The following DAB1 variants were observed in gnomAD, a reference collection of about 807,000 sequenced individuals.
DAB1 encodes DAB adaptor protein 1.
In DAB1, 15 loss-of-function variants were observed where a neutral mutation model predicts 64.6. The observed-to-expected ratio is 0.23, with a 90% CI of 0.16 to 0.36. DAB1 has a LOEUF of 0.36. Among genes scored for constraint, DAB1 ranks in the 10% least tolerant of loss-of-function variants. The probability of loss-of-function intolerance (pLI) is 1.00; values close to 1 mark genes in which losing one functional copy is unlikely to be tolerated. For missense variants in DAB1, 596 were observed against 706.7 expected, an observed-to-expected ratio of 0.84 and a Z score of 1.78; for synonymous variants, 235 against 251.9, an observed-to-expected ratio of 0.93 and a Z score of 0.64.
Position 57,736,609 on chromosome 1 carries a change from T to C in DAB1, n.552-86944A>G, listed in dbSNP as rs1570780885. ...TAATAATACATATGTTGAAAGAACA[T>C]GTGATAGAGCTTTTACGACCTGCAT... On this transcript the variant is annotated intron_variant and non_coding_transcript_variant, in intron 6 of 20. Coordinates refer to the DAB1 transcript ENST00000485760. Among the ~76,000 whole-genome samples the C allele has an allele frequency of 2.0e-5, 3 of 152,270 alleles. No individual in the cohort carries two copies. The East Asian group carries it at 5.8e-4, about 29-fold the overall frequency.
intron 4 of DAB1, among the ~76,000 whole-genome samples, chr1:58,323,172 T>C (rs908128999): frequency 3.3e-5 from 5 of 151,858 alleles, no homozygotes; most frequent in Non-Finnish European, 5.9e-5. Flanking sequence ...CACATCAACA[T>C]GGCACATGTA....
At chr1:57,013,673 T>G (rs1188202123) in intron 12 of DAB1, among the ~76,000 whole-genome samples, 2 of 152,192 alleles carry the variant, frequency 1.3e-5, no homozygotes, top group African/African-American at 4.8e-5. Context: ...CCATATCACC[T>G]GTGACAGTAA....
chr1:58,215,581 CTA>C (rs1658809696), intron 4 of DAB1, among the ~76,000 whole-genome samples: 1 of 152,182 alleles, frequency 6.6e-6, no homozygotes, highest in South Asian at 2.1e-4. Flanking sequence ...ATTTTGCACT[CTA>C]TTAAGTGAGT....
intron 7 of DAB1, among the ~76,000 whole-genome samples, chr1:57,529,352 C>T (rs568209155): frequency 3.3e-5 from 5 of 151,902 alleles, no homozygotes; most frequent in African/African-American, 1.2e-4. Flanking sequence ...AAAACAAATA[C>T]CAAGATGAAA....
At chr1:57,535,220 A>C (rs1204766300) in intron 7 of DAB1, among the ~76,000 whole-genome samples, 1 of 152,158 alleles carries the variant, frequency 6.6e-6, no homozygotes, top group Non-Finnish European at 1.5e-5. Flanking sequence ...TTTATTGTCT[A>C]TCTTTCCTAC....
At chr1:57,496,465 A>G (rs1644231860) in intron 7 of DAB1, among the ~76,000 whole-genome samples, 1 of 152,204 alleles carries the variant, frequency 6.6e-6, no homozygotes, top group Non-Finnish European at 1.5e-5. Context: ...TAGATTCTCA[A>G]TACATTTCAG....
At chr1:58,531,346 T>G (rs1189748082) in intron 1 of DAB1, among the ~76,000 whole-genome samples, 1 of 152,200 alleles carries the variant, frequency 6.6e-6, no homozygotes, top group African/African-American at 2.4e-5. Flanking sequence ...GTTTGTAAAT[T>G]TGTAAGTCTA....
chr1:58,182,822 T>G (rs953333225), intron 4 of DAB1, among the ~76,000 whole-genome samples: 7 of 152,042 alleles, frequency 4.6e-5, no homozygotes, highest in Non-Finnish European at 1.0e-4. Flanking sequence ...TTTAACTACT[T>G]TTTTTCTGAG....
chr1:57,942,917 T>C (rs1212512428), intron 5 of DAB1, among the ~76,000 whole-genome samples: 1 of 152,244 alleles, frequency 6.6e-6, no homozygotes, highest in Admixed American at 6.5e-5. Flanking sequence ...CTTGTAGTTA[T>C]GGCCTATTAA....
chr1:57,096,194 G>C (rs1300382716), intron 4 of DAB1, among the ~76,000 whole-genome samples: 1 of 152,060 alleles, frequency 6.6e-6, no homozygotes, highest in African/African-American at 2.4e-5. Context: ...TAGTGGATTT[G>C]GGATTTACAC....
chr1:57,683,130 C>T (rs746542695), intron 6 of DAB1, among the ~76,000 whole-genome samples: 9 of 152,198 alleles, frequency 5.9e-5, no homozygotes, highest in Admixed American at 1.3e-4. Context: ...CTGTGGCCCG[C>T]ATTTGAGCAG....
chr1:58,116,331 T>C (rs1652332621), intron 5 of DAB1, among the ~76,000 whole-genome samples: 1 of 152,214 alleles, frequency 6.6e-6, no homozygotes, highest in Non-Finnish European at 1.5e-5. Context: ...GACTTCTTCT[T>C]AGGTGAGGAA....
intron 3 of DAB1, among the ~76,000 whole-genome samples, chr1:58,442,056 T>G (rs1645015955): frequency 6.6e-6 from 1 of 152,228 alleles, no homozygotes; most frequent in Admixed American, 6.5e-5. Flanking sequence ...CGGAAGGAAG[T>G]AAGCGGTTTG....
At chr1:57,912,349 A>T (rs1644658274) in intron 5 of DAB1, among the ~76,000 whole-genome samples, 1 of 152,086 alleles carries the variant, frequency 6.6e-6, no homozygotes, top group Non-Finnish European at 1.5e-5. Context: ...AACACCTGGA[A>T]AAAAAGGCTT....
At chr1:57,611,006 T>C (rs536466751) in intron 7 of DAB1, among the ~76,000 whole-genome samples, 3 of 152,212 alleles carry the variant, frequency 2.0e-5, no homozygotes, top group Non-Finnish European at 4.4e-5. Context: ...TATAAACTCC[T>C]GGAAGGCAGA....
In DAB1 at chr1:58,403,110, T is replaced by C. The variant is rs558191382; in HGVS notation, n.258-59707A>G. Among the ~76,000 whole-genome samples, 10 of 152,310 alleles carry C rather than the reference T, an allele frequency of 6.6e-5. No individual in the cohort carries two copies. In the East Asian group the frequency reaches 1.9e-3, roughly 29 times the overall value. On this transcript the variant is annotated intron_variant and non_coding_transcript_variant, in intron 3 of 20. Transcript: ENST00000485760. ...AGGATTCATTGCAGTTGAGTTGTGT[T>C]AAAGTAAAACTTATAGAACAAACTT... is the stretch of plus-strand genomic sequence containing the variant.
At chr1:57,131,806 C>T (rs190623438) in intron 4 of DAB1, among the ~76,000 whole-genome samples, 1 of 152,186 alleles carries the variant, frequency 6.6e-6, no homozygotes, top group African/African-American at 2.4e-5. Flanking sequence ...ACCTGTTATG[C>T]CTTAGTCATT....
At chr1:57,718,382 A>G (rs1423843997) in intron 6 of DAB1, among the ~76,000 whole-genome samples, 1 of 152,178 alleles carries the variant, frequency 6.6e-6, no homozygotes, top group Admixed American at 6.6e-5. Context: ...GGATGATGTG[A>G]TGCTGAACGG....
At chr1:58,053,584 A>G (rs1406497969) in intron 5 of DAB1, among the ~76,000 whole-genome samples, 1 of 152,154 alleles carries the variant, frequency 6.6e-6, no homozygotes, top group African/African-American at 2.4e-5. Context: ...ACTGGGTATC[A>G]AATTTCAACA....
Sources: allele counts gnomAD v4.1 joint callset (sites outside exome capture counted in the v4.1 genomes callset), GRCh38; gene constraint gnomAD v4.1.1; transcripts MANE v1.5; gene names NCBI Gene and HGNC (gene_info 2026-07-23, HGNC 2026-07-21).